Variants in DLGAP2 observed in about 807,000 individuals in gnomAD.
The protein encoded by DLGAP2 is disks large-associated protein 2.
DLGAP2 carries 26 observed loss-of-function variants against 100.3 expected under a neutral mutation model. The observed-to-expected ratio is 0.26, with a 90% CI of 0.19 to 0.36. The LOEUF (loss-of-function observed/expected upper bound fraction) is 0.36, where lower values mean the gene tolerates loss of function less well. Among genes scored for constraint, DLGAP2 ranks in the 10% least tolerant of loss-of-function variants. DLGAP2 has a pLI of 1.00. For missense variants in DLGAP2, 1,858 were observed against 1,453.2 expected (o/e 1.28, Z -4.53); for synonymous variants, 886 against 630.1 (o/e 1.41, Z -6.08).
At chr8:1,118,850 G>GT (rs1795963821) in intron 2 of DLGAP2, among the ~76,000 whole-genome samples, 1 of 152,148 alleles carries the variant, frequency 6.6e-6, no homozygotes, top group African/African-American at 2.4e-5. Context: ...AAAATAATTT[G>GT]TTTCCTCGAA....
chr8:1,175,578 G>T (rs1244760181), intron 2 of DLGAP2, among the ~76,000 whole-genome samples: 1 of 152,196 alleles, frequency 6.6e-6, no homozygotes, highest in Non-Finnish European at 1.5e-5. Context: ...ACTCCATTAG[G>T]ACAGTAGGAA....
intron 3 of DLGAP2, among the ~76,000 whole-genome samples, chr8:1,372,254 G>C (rs1802258089): frequency 6.6e-6 from 1 of 151,556 alleles, no homozygotes; most frequent in South Asian, 2.1e-4. Flanking sequence ...TGGGACGCTG[G>C]TCACCGTGCT....
intron 1 of DLGAP2, among the ~76,000 whole-genome samples, chr8:837,576 C>G (rs180979734): frequency 2.6e-5 from 4 of 152,120 alleles, no homozygotes; most frequent in East Asian, 1.9e-4. Context: ...TAAGGCCGTG[C>G]TCAGGCCGCA....
At chr8:826,836 G>C (rs1438093514) in intron 1 of DLGAP2, among the ~76,000 whole-genome samples, 1 of 152,164 alleles carries the variant, frequency 6.6e-6, no homozygotes, top group African/African-American at 2.4e-5. Flanking sequence ...ATGTGGATTT[G>C]AGGAAGGAGA....
chr8:1,578,557 C>T (rs1803090330), intron 6 of DLGAP2, among the ~76,000 whole-genome samples: 2 of 152,152 alleles, frequency 1.3e-5, no homozygotes, highest in South Asian at 4.1e-4. Flanking sequence ...GCAAAGACTG[C>T]AGGAATTCTG....
intron 2 of DLGAP2, among the ~76,000 whole-genome samples, chr8:990,355 CCTTGCCCGG>C (rs1563131850): frequency 8.0e-6 from 1 of 124,548 alleles, no homozygotes; most frequent in African/African-American, 3.0e-5. Context: ...TTCTCTCCCT[CCTTGCCCGG>C]ACCCCCTGCA....
chr8:1,515,676 GAC>G (rs67550486), intron 4 of DLGAP2, among the ~76,000 whole-genome samples: 26,330 of 152,008 alleles, frequency 0.17, 2,498 homozygotes, highest in African/African-American at 0.23. Flanking sequence ...TACACATGTT[GAC>G]ACACACAACA....
intron 2 of DLGAP2, among the ~76,000 whole-genome samples, chr8:1,051,083 T>G (rs113093532): frequency 6.7e-6 from 1 of 148,596 alleles, no homozygotes; most frequent in Non-Finnish European, 1.5e-5. Context: ...TGGTGGGGTC[T>G]TTTTGTGGGC....
intron 12 of DLGAP2, 76 bp from the exon 13 acceptor site, chr8:1,691,459 G>T: frequency 7.9e-7 from 1 of 1,262,602 alleles, no homozygotes; most frequent in Non-Finnish European, 1.1e-6. Flanking sequence ...CTCCCTTGGT[G>T]TGATGTTTCT....
intron 2 of DLGAP2, among the ~76,000 whole-genome samples, chr8:934,312 G>T (rs1252366631): frequency 1.0e-4 from 12 of 120,306 alleles, no homozygotes; most frequent in Non-Finnish European, 1.9e-4. Flanking sequence ...CGAGGGGAGG[G>T]TGAGGGCAGA....
chr8:1,173,291 A>G (rs1050260218), intron 2 of DLGAP2, among the ~76,000 whole-genome samples: 1 of 152,112 alleles, frequency 6.6e-6, no homozygotes, highest in South Asian at 2.1e-4. Context: ...GTCTGCCCCT[A>G]CTGGGGGGTG....
At chr8:1,499,875 A>T (rs1320876384) in intron 3 of DLGAP2, among the ~76,000 whole-genome samples, 3 of 147,328 alleles carry the variant, frequency 2.0e-5, no homozygotes, top group African/African-American at 7.5e-5. Flanking sequence ...GCAGATGCCG[A>T]TTTGTTGAAT....
At chr8:768,087 T>G (rs2132601688) in intron 1 of DLGAP2, among the ~76,000 whole-genome samples, 1 of 152,272 alleles carries the variant, frequency 6.6e-6, no homozygotes, top group East Asian at 1.9e-4. Context: ...CCCGTGGGCT[T>G]TGGGAGTGTA....
At position 864,356 on chromosome 8, in the gene DLGAP2, C is replaced by A. The variant is rs113306282; in HGVS notation, c.19-43556C>A. 2.1e-3 allele frequency among the ~76,000 whole-genome samples: 316 copies of A among 152,142 alleles called. 1 individual carries two copies. Among genetic ancestry groups the A allele is most frequent in the Non-Finnish European group, 3.4e-3 (230 of 68,004 alleles). ...TTGGAATGTTCTCAACGTAAAGAAA[C>A]GATGAAAGTAGGAGATGATGGAAAC... On this transcript the variant is annotated intron_variant, in intron 1 of 14. Coordinates refer to ENST00000637795, the MANE Select transcript of DLGAP2 (RefSeq NM_001346810.2).
intron 3 of DLGAP2, among the ~76,000 whole-genome samples, chr8:1,441,683 CAA>C (rs35789497): frequency 9.2e-4 from 69 of 74,610 alleles, no homozygotes; most frequent in Admixed American, 1.7e-3. Flanking sequence ...GACTCCATCT[CAA>C]AAAAAAAAAA....
At chr8:758,464 A>G (rs1398084961) in intron 1 of DLGAP2, among the ~76,000 whole-genome samples, 2 of 152,252 alleles carry the variant, frequency 1.3e-5, no homozygotes, top group African/African-American at 4.8e-5. Flanking sequence ...CAAATAGTTC[A>G]GTAGGAGCTA....
intron 2 of DLGAP2, among the ~76,000 whole-genome samples, chr8:1,173,973 C>G (rs907625206): frequency 6.6e-6 from 1 of 152,184 alleles, no homozygotes; most frequent in Non-Finnish European, 1.5e-5. Context: ...TTCTGTGTCG[C>G]TCACGCTGGG....
At chr8:1,203,776 T>A (rs543911792) in intron 2 of DLGAP2, among the ~76,000 whole-genome samples, 1 of 152,314 alleles carries the variant, frequency 6.6e-6, no homozygotes, top group East Asian at 1.9e-4. Flanking sequence ...GTTATTCTAA[T>A]GCAGCCAATG....
chr8:923,518 A>T (rs563118512), intron 2 of DLGAP2, among the ~76,000 whole-genome samples: 48 of 152,336 alleles, frequency 3.2e-4, no homozygotes, highest in African/African-American at 1.1e-3. Context: ...AAAAAGCTAC[A>T]GTTCCTGAAG....
Sources: gnomAD v4.1 joint callset for allele counts (sites outside exome capture counted in the v4.1 genomes callset) on GRCh38, gnomAD v4.1.1 for gene constraint, MANE v1.5 for transcripts, NCBI Gene and HGNC (gene_info 2026-07-23, HGNC 2026-07-21) for gene names.